FAM174A: variants seen among roughly 807,000 people sequenced by gnomAD.
The protein encoded by FAM174A is membrane protein FAM174A.
In FAM174A, 14 loss-of-function variants were observed where a neutral mutation model predicts 14.3. That is an observed-to-expected ratio of 0.98 (90% CI 0.65 to 1.53). The LOEUF is 1.53. Among genes scored for constraint, FAM174A ranks in the 40% most tolerant of loss-of-function variants. The pLI, the probability that FAM174A is intolerant of heterozygous loss-of-function variation, is 0.00. For missense variants in FAM174A, 241 were observed against 249.6 expected, an observed-to-expected ratio of 0.97 and a Z score of 0.23; for synonymous variants, 108 against 111.4, an observed-to-expected ratio of 0.97 and a Z score of 0.19.
Position 100,535,501 on chromosome 5 carries a change from C to T in FAM174A, c.-30C>T. 1 of 1,606,612 alleles carries T rather than the reference C, an allele frequency of 6.2e-7. No individual in the cohort carries two copies. Among genetic ancestry groups the T allele is most frequent in the East Asian group, 2.2e-5 (1 of 44,866 alleles). ...AGCCAGCGTGGCGGGCCTGGCGGCT[C>T]CCGGGTGGTGAGAGAGCGGTCCGGG... is the stretch of plus-strand genomic sequence containing the variant. On this transcript the variant is annotated 5_prime_UTR_variant, in exon 1 of 3. Coordinates refer to ENST00000312637, the MANE Select transcript of FAM174A (RefSeq NM_198507.3).
At chr5:100,584,765 AT>A (rs1046341088) in intron 2 of FAM174A, among the ~76,000 whole-genome samples, 1 of 151,000 alleles carries the variant, frequency 6.6e-6, no homozygotes, top group Non-Finnish European at 1.5e-5. Context: ...ACAGTTTCAC[AT>A]TTTTTTTTCC....
chr5:100,576,020 C>T (rs1183785827), intron 2 of FAM174A, among the ~76,000 whole-genome samples: 1 of 152,126 alleles, frequency 6.6e-6, no homozygotes, highest in Non-Finnish European at 1.5e-5. Context: ...CAAGTCATTT[C>T]CAGAGAGGCA....
In FAM174A at chr5:100,569,348, C is replaced by T. The variant is rs115733920; in HGVS notation, c.569+7160C>T. Among the ~76,000 whole-genome samples the T allele has an allele frequency of 8.3e-3, 1,246 of 150,608 alleles. 14 individuals are homozygous for T. The highest frequency in any genetic ancestry group is 0.029 in the African/African-American group (1,186 of 40,876). On this transcript the variant is annotated intron_variant, in intron 2 of 2. Coordinates refer to ENST00000312637, the MANE Select transcript of FAM174A (RefSeq NM_198507.3). ...ATTTACTATGTCATATGTATATGAA[C>T]ATATATGACATAGAGTTACATATTA... is the stretch of plus-strand genomic sequence containing the variant.
At chr5:100,562,878 TG>T (rs1266369441) in intron 2 of FAM174A, among the ~76,000 whole-genome samples, 1 of 151,520 alleles carries the variant, frequency 6.6e-6, no homozygotes, top group Non-Finnish European at 1.5e-5. Context: ...GTAAATAGAA[TG>T]GGGAAAAAAG....
At chr5:100,580,838 G>A (rs995674396) in intron 2 of FAM174A, among the ~76,000 whole-genome samples, 27 of 152,232 alleles carry the variant, frequency 1.8e-4, no homozygotes, top group African/African-American at 6.3e-4. Flanking sequence ...TGCCATTCTT[G>A]CCAAAAGAGC....
chr5:100,556,276 G>T (rs1413450049), intron 1 of FAM174A, among the ~76,000 whole-genome samples: 2 of 151,970 alleles, frequency 1.3e-5, no homozygotes, highest in Non-Finnish European at 2.9e-5. Context: ...ATTTCTGAGG[G>T]CTCTGTTCTG....
chr5:100,556,042 C>A (rs1746371741), intron 1 of FAM174A, among the ~76,000 whole-genome samples: 1 of 152,096 alleles, frequency 6.6e-6, no homozygotes, highest in Admixed American at 6.6e-5. Context: ...AATGGTATTG[C>A]CTAGGTTTTC....
intron 1 of FAM174A, among the ~76,000 whole-genome samples, chr5:100,557,740 A>G (rs1746424668): frequency 6.6e-6 from 1 of 152,052 alleles, no homozygotes; most frequent in Non-Finnish European, 1.5e-5. Flanking sequence ...TGTTTATAGT[A>G]TTATCTGATG....
chr5:100,555,390 C>T (rs1435643943), intron 1 of FAM174A, among the ~76,000 whole-genome samples: 1 of 151,984 alleles, frequency 6.6e-6, no homozygotes, highest in Non-Finnish European at 1.5e-5. Flanking sequence ...AATAAACATA[C>T]GTGTGTGTGT....
At chr5:100,579,168 T>A (rs1016385598) in intron 2 of FAM174A, among the ~76,000 whole-genome samples, 15 of 152,220 alleles carry the variant, frequency 9.9e-5, no homozygotes, top group Non-Finnish European at 2.1e-4. Flanking sequence ...TTTTCTTTAT[T>A]TTATATTATA....
chr5:100,537,746 C>A (rs1011098320), intron 1 of FAM174A, among the ~76,000 whole-genome samples: 5 of 152,138 alleles, frequency 3.3e-5, no homozygotes, highest in Non-Finnish European at 7.4e-5. Flanking sequence ...TTATTTTCCT[C>A]ACTATATAAC....
At chr5:100,556,293 T>C (rs1746379243) in intron 1 of FAM174A, among the ~76,000 whole-genome samples, 2 of 152,190 alleles carry the variant, frequency 1.3e-5, no homozygotes, top group South Asian at 4.1e-4. Context: ...TCTGTTCCAT[T>C]GGTCTATATC....
intron 1 of FAM174A, among the ~76,000 whole-genome samples, chr5:100,551,864 G>A (rs1490913275): frequency 6.6e-6 from 1 of 152,056 alleles, no homozygotes; most frequent in East Asian, 1.9e-4. Context: ...TGTTTATAAG[G>A]ACATCAGTCA....
chr5:100,555,466 A>G (rs1467226043), intron 1 of FAM174A, among the ~76,000 whole-genome samples: 1 of 152,122 alleles, frequency 6.6e-6, no homozygotes, highest in African/African-American at 2.4e-5. Flanking sequence ...GCTGGGTCAA[A>G]TGGTATTTCT....
chr5:100,558,886 T>G (rs1168439849), intron 1 of FAM174A, among the ~76,000 whole-genome samples: 1 of 152,200 alleles, frequency 6.6e-6, no homozygotes, highest in Non-Finnish European at 1.5e-5. Flanking sequence ...CTTGACTCTT[T>G]ATCCAATTTG....
At chr5:100,574,198 T>C (rs369401282) in intron 2 of FAM174A, among the ~76,000 whole-genome samples, 1 of 145,472 alleles carries the variant, frequency 6.9e-6, no homozygotes, top group Non-Finnish European at 1.5e-5. Flanking sequence ...TTATTTTTTT[T>C]ATTTTTTTGA....
chr5:100,571,711 C>G (rs1263248276), intron 2 of FAM174A, among the ~76,000 whole-genome samples: 1 of 145,856 alleles, frequency 6.9e-6, no homozygotes, highest in African/African-American at 2.5e-5. Context: ...CACCCTATTA[C>G]TTTACTGTTA....
At chr5:100,554,387 G>A (rs112547933) in intron 1 of FAM174A, among the ~76,000 whole-genome samples, 2,688 of 136,114 alleles carry the variant, frequency 0.02, 68 homozygotes, top group African/African-American at 0.069. Context: ...CTTCATCTCA[G>A]CTCACTGCAG....
chr5:100,580,567 G>A (rs150597276), intron 2 of FAM174A, among the ~76,000 whole-genome samples: 9 of 152,312 alleles, frequency 5.9e-5, no homozygotes, highest in South Asian at 2.1e-4. Context: ...TTTCTGCCGC[G>A]TATATTCTAG....
Sources: gnomAD v4.1 joint callset for allele counts (sites outside exome capture counted in the v4.1 genomes callset) on GRCh38, gnomAD v4.1.1 for gene constraint, MANE v1.5 for transcripts, NCBI Gene and HGNC (gene_info 2026-07-23, HGNC 2026-07-21) for gene names.